GPRC6A: variants seen among roughly 807,000 people sequenced by gnomAD.
GPRC6A encodes G protein-coupled receptor class C group 6 member A, also known as G protein-coupled receptor family C group 6 member A.
GPRC6A carries 54 observed loss-of-function variants against 47.0 expected under a neutral mutation model. The ratio of observed to expected loss-of-function variants is 1.15; its 90% CI spans 0.92 to 1.44. The LOEUF is 1.44. Among genes scored for constraint, GPRC6A ranks in the 40% most tolerant of loss-of-function variants. The pLI is 0.00. For synonymous variants in GPRC6A, 347 were observed against 377.1 expected, an observed-to-expected ratio of 0.92 and a Z score of 0.93; for missense variants, 1,112 against 1,105.5, an observed-to-expected ratio of 1.01 and a Z score of -0.08.
At position 116,806,369 on chromosome 6, in the gene GPRC6A, C is replaced by A; in HGVS notation, c.1335+1G>T. The stretch of plus-strand genomic sequence containing the variant: ...TTTTTCTTGGATGTGTGAGTTAGTA[C>A]CTCCCATGGTTGAAAGGCGTTGGGG... On this transcript the variant is annotated splice_donor_variant, in intron 3 of 5. Transcript: ENST00000310357. LOFTEE classifies it high-confidence loss of function. 6.3e-7 allele frequency: 1 copy of A among 1,583,532 alleles called. No homozygotes were observed. Among genetic ancestry groups the A allele is most frequent in the Non-Finnish European group, 8.6e-7 (1 of 1,157,382 alleles).
At position 116,792,959 on chromosome 6, in the gene GPRC6A, T is replaced by G. The variant is rs1283796576; in HGVS notation, c.1964A>C (p.Gln655Pro). 1.9e-6 allele frequency: 3 copies of G among 1,613,968 alleles called. No individual in the cohort carries two copies. Among genetic ancestry groups the G allele is most frequent in the Admixed American group, 3.3e-5 (2 of 59,974 alleles). ...CTGCCTGGTTTTACATGTGAAGTCT[T>G]GTGGTTCTCCAATGAAAAAGCTCGT... is the stretch of plus-strand genomic sequence containing the variant. ...ASTSFFIGEP[Q>P]DFTCKTRQTM... The change falls in exon 6 of 6, where the codon CAA becomes CCA. Residue 655 changes from glutamine (Q) to proline (P), a missense_variant. Gln to Pro is a moderately conservative substitution (Grantham distance 76). Coordinates refer to ENST00000310357, the MANE Select transcript of GPRC6A (RefSeq NM_148963.4).
intron 5 of GPRC6A, among the ~76,000 whole-genome samples, chr6:116,795,113 A>G (rs1231429779): frequency 6.6e-6 from 1 of 152,028 alleles, no homozygotes; most frequent in Non-Finnish European, 1.5e-5. Flanking sequence ...TTGTACTTTA[A>G]TTTGTGTATT....
chr6:116,808,904 C>T (rs893865137), intron 2 of GPRC6A, among the ~76,000 whole-genome samples: 1 of 152,038 alleles, frequency 6.6e-6, no homozygotes. Context: ...AATAGTTCTA[C>T]AGTCTTTGCT....
At chr6:116,818,260 C>T (rs533380711) in intron 1 of GPRC6A, among the ~76,000 whole-genome samples, 1,700 of 151,924 alleles carry the variant, frequency 0.011, 28 homozygotes, top group Admixed American at 0.04. Context: ...TTCGGCCGGG[C>T]GCGGTGGCTC....
chr6:116,821,133 C>T (rs895281135), intron 1 of GPRC6A, among the ~76,000 whole-genome samples: 8 of 151,410 alleles, frequency 5.3e-5, no homozygotes, highest in Admixed American at 2.0e-4. Flanking sequence ...AATAAAATAC[C>T]TAGGAATCCA....
At position 116,806,951 on chromosome 6, in the gene GPRC6A, T is replaced by C; in HGVS notation, c.754A>G (p.Asn252Asp). ...KEVLPAFLSD[N>D]TIEVRINRTL... The stretch of plus-strand genomic sequence containing the variant: ...CGATTGATTCTGACTTCAATGGTAT[T>C]ATCTGAAAGAAAGGCTGGAAGAACC... Residue 252 changes from asparagine (N) to aspartate (D), a missense_variant, in exon 3 of 6, where the codon AAT (asparagine) becomes GAT (aspartate). By Grantham distance (23) the Asn-to-Asp change is conservative. Coordinates refer to ENST00000310357, the MANE Select transcript of GPRC6A (RefSeq NM_148963.4). 1.2e-6 allele frequency: 2 copies of C among 1,613,636 alleles called. No individual in the cohort carries two copies. Among genetic ancestry groups the C allele is most frequent in the Non-Finnish European group, 1.7e-6 (2 of 1,179,724 alleles).
At chr6:116,828,693 T>C in intron 1 of GPRC6A, 127 bp downstream of exon 1, 1 of 755,328 alleles carries the variant, frequency 1.3e-6, no homozygotes, top group South Asian at 2.7e-5. Flanking sequence ...ATTAACCATA[T>C]GCAACTTAAA....
At chr6:116,813,761 A>G (rs1276213760) in intron 1 of GPRC6A, among the ~76,000 whole-genome samples, 1 of 152,238 alleles carries the variant, frequency 6.6e-6, no homozygotes, top group African/African-American at 2.4e-5. Flanking sequence ...GACAAATGGG[A>G]TCTAATTAAA....
At chr6:116,813,021 T>G (rs373731571) in intron 1 of GPRC6A, among the ~76,000 whole-genome samples, 71 of 152,116 alleles carry the variant, frequency 4.7e-4, no homozygotes, top group Admixed American at 1.0e-3. Context: ...GCTTCAAAGA[T>G]AATAAAATAC....
intron 3 of GPRC6A, among the ~76,000 whole-genome samples, chr6:116,803,189 A>G (rs1248542082): frequency 6.6e-6 from 1 of 152,012 alleles, no homozygotes; most frequent in African/African-American, 2.4e-5. Flanking sequence ...CATCCAATTG[A>G]TCTCCAAATA....
chr6:116,824,591 A>G (rs996192630), intron 1 of GPRC6A, among the ~76,000 whole-genome samples: 2 of 152,090 alleles, frequency 1.3e-5, no homozygotes, highest in East Asian at 1.9e-4. Flanking sequence ...GCAAGATTAA[A>G]TCAGTAATAA....
intron 4 of GPRC6A, among the ~76,000 whole-genome samples, chr6:116,799,903 A>G (rs150162320): frequency 0.011 from 1,714 of 152,330 alleles, 30 homozygotes; most frequent in Admixed American, 0.04. Context: ...CAGTCTGTCT[A>G]TAGTGCCAGA....
intron 1 of GPRC6A, among the ~76,000 whole-genome samples, chr6:116,810,900 G>A (rs548983220): frequency 2.3e-4 from 35 of 152,232 alleles, no homozygotes; most frequent in Admixed American, 2.1e-3. Context: ...CATCATGCAT[G>A]CCACACAAGT....
chr6:116,798,258 A>C (rs1404422908), intron 4 of GPRC6A, among the ~76,000 whole-genome samples: 1 of 152,220 alleles, frequency 6.6e-6, no homozygotes, highest in Admixed American at 6.5e-5. Flanking sequence ...GGAAGCTCTC[A>C]CTGAGGTGGT....
At chr6:116,798,437 G>A (rs1772555007) in intron 4 of GPRC6A, among the ~76,000 whole-genome samples, 1 of 152,150 alleles carries the variant, frequency 6.6e-6, no homozygotes, top group African/African-American at 2.4e-5. Flanking sequence ...GTAGAGTAAG[G>A]GGAGGGTGGG....
intron 4 of GPRC6A, among the ~76,000 whole-genome samples, chr6:116,799,655 T>A (rs191398810): frequency 6.6e-6 from 1 of 152,246 alleles, no homozygotes; most frequent in East Asian, 1.9e-4. Flanking sequence ...TCAGGGAGTT[T>A]TACTGTAAAG....
In GPRC6A at chr6:116,795,766, T is replaced by C. The variant is rs989794885; in HGVS notation, c.1618A>G (p.Ile540Val). The C allele has an allele frequency of 1.1e-5, 18 of 1,609,862 alleles. No individual in the cohort carries two copies. Among genetic ancestry groups the C allele is most frequent in the Non-Finnish European group, 1.5e-5 (18 of 1,176,458 alleles). The stretch of plus-strand genomic sequence containing the variant: ...CAGTTCTGACATTCATAGCAACAGA[T>C]GTGTTGACTTCTTGTAGTTTTCTTC... ...QMKKTTRSQH[I>V]CCYECQNCPE... The change falls in exon 5 of 6, where the codon ATC becomes GTC. Residue 540 changes from isoleucine to valine, a missense_variant. Ile to Val is a conservative substitution (Grantham distance 29). Transcript: ENST00000310357.
At chr6:116,820,935 G>T (rs1773449547) in intron 1 of GPRC6A, among the ~76,000 whole-genome samples, 1 of 152,118 alleles carries the variant, frequency 6.6e-6, no homozygotes, top group Non-Finnish European at 1.5e-5. Context: ...GTTTGCAGAT[G>T]ACATGATTGT....
At chr6:116,819,614 T>C (rs1256007176) in intron 1 of GPRC6A, among the ~76,000 whole-genome samples, 1 of 152,090 alleles carries the variant, frequency 6.6e-6, no homozygotes, top group Non-Finnish European at 1.5e-5. Context: ...GACTACTGGG[T>C]ACATAATGAA....
Sources: allele counts gnomAD v4.1 joint callset (sites outside exome capture counted in the v4.1 genomes callset), GRCh38; gene constraint gnomAD v4.1.1; transcripts MANE v1.5; gene names NCBI Gene and HGNC (gene_info 2026-07-23, HGNC 2026-07-21).